Variants in NFX1 observed in about 807,000 individuals in gnomAD.
NFX1 encodes the protein nuclear transcription factor, X-box binding 1.
In NFX1, 69 loss-of-function variants were observed where a neutral mutation model predicts 137.2. The ratio of observed to expected loss-of-function variants is 0.50; its 90% CI spans 0.41 to 0.61. The LOEUF (loss-of-function observed/expected upper bound fraction) is 0.61, where lower values mean the gene tolerates loss of function less well. NFX1 is among the 20% of genes least tolerant of loss of function. The pLI, the probability that NFX1 is intolerant of heterozygous loss-of-function variation, is 0.00. For missense variants in NFX1, 1,167 were observed against 1,391.0 expected (o/e 0.84, Z 2.56); for synonymous variants, 495 against 474.1 (o/e 1.04, Z -0.57).
chr9:33,363,330 G>A (rs1824070012), intron 19 of NFX1, among the ~76,000 whole-genome samples: 1 of 150,854 alleles, frequency 6.6e-6, no homozygotes, highest in Non-Finnish European at 1.5e-5. Context: ...TGTTGCCCAG[G>A]CTGGAGTGTA....
chr9:33,301,985 T>A (rs1821585007), intron 3 of NFX1, among the ~76,000 whole-genome samples: 1 of 152,180 alleles, frequency 6.6e-6, no homozygotes, highest in South Asian at 2.1e-4. Context: ...GGCACAAGAA[T>A]TGCTTGAATC....
Position 33,370,604 on chromosome 9 carries a change from A to AG in NFX1, c.*631dup, listed in dbSNP as rs1021098421. On this transcript the variant is annotated 3_prime_UTR_variant, in exon 24 of 24. Coordinates refer to ENST00000379540, the MANE Select transcript of NFX1 (RefSeq NM_002504.6). ...CAATGTGATCAGTTCTAGACCTAGAAGGGGGTCAGGCTGCTTTACAGAATT... is the reference window on the plus strand; with the variant it reads ...CAATGTGATCAGTTCTAGACCTAGAAGGGGGGTCAGGCTGCTTTACAGAATT... The AG allele has an allele frequency of 1.3e-5, 2 of 152,272 alleles. No homozygotes were observed. The highest frequency in any genetic ancestry group is 6.5e-5 in the Admixed American group (1 of 15,282). 9.4% of individuals were successfully genotyped at this position (152,272 alleles called of 1,614,324 possible).
At chr9:33,332,255 C>T (rs1376326438) in intron 10 of NFX1, among the ~76,000 whole-genome samples, 1 of 152,110 alleles carries the variant, frequency 6.6e-6, no homozygotes, top group African/African-American at 2.4e-5. Flanking sequence ...ATTGTATTTT[C>T]ATGAAAAGTC....
At chr9:33,369,089 G>T (rs1212493333) in intron 23 of NFX1, among the ~76,000 whole-genome samples, 1 of 150,540 alleles carries the variant, frequency 6.6e-6, no homozygotes, top group Non-Finnish European at 1.5e-5. Context: ...TTTTTGAGAT[G>T]GAGTCTCGCT....
chr9:33,357,322 TA>T (rs1425377061), intron 19 of NFX1, among the ~76,000 whole-genome samples: 1 of 151,712 alleles, frequency 6.6e-6, no homozygotes, highest in Non-Finnish European at 1.5e-5. Flanking sequence ...AATAAATAAA[TA>T]AAGTATATCA....
chr9:33,303,049 G>T, intron 3 of NFX1, 142 bp from the exon 4 acceptor site: 14 of 404,026 alleles, frequency 3.5e-5, no homozygotes, highest in East Asian at 1.2e-4. Flanking sequence ...TTGTGAATTT[G>T]TTCCTTAAAT....
Position 33,327,450 on chromosome 9 carries a change from C to T in NFX1, c.1907-1131C>T, listed in dbSNP as rs548641249. 5.7e-4 allele frequency among the ~76,000 whole-genome samples: 87 copies of T among 152,286 alleles called. 1 individual carries two copies. The highest frequency in any genetic ancestry group is 8.5e-4 in the Admixed American group (13 of 15,284). Reference sequence around the variant, plus strand: ...CATGATCTTGGCTCACTGCAACCTCCGCCTCCCAGGTTCAAGCGATTCTCC... The same window carrying T: ...CATGATCTTGGCTCACTGCAACCTCTGCCTCCCAGGTTCAAGCGATTCTCC... On this transcript the variant is annotated intron_variant, in intron 9 of 23. Transcript: ENST00000379540.
chr9:33,334,533 T>A (rs763733705), intron 11 of NFX1, among the ~76,000 whole-genome samples: 8 of 152,244 alleles, frequency 5.3e-5, no homozygotes, highest in Non-Finnish European at 1.0e-4. Flanking sequence ...TAAAAAAAAA[T>A]ATGAAGTGAA....
chr9:33,312,852 C>T (rs1389318315), intron 6 of NFX1, among the ~76,000 whole-genome samples: 1 of 152,224 alleles, frequency 6.6e-6, no homozygotes, highest in Non-Finnish European at 1.5e-5. Flanking sequence ...GCCTGGGCAA[C>T]AGAGCAAGAC....
At chr9:33,335,781 T>C (rs1395808227) in intron 11 of NFX1, among the ~76,000 whole-genome samples, 2 of 152,244 alleles carry the variant, frequency 1.3e-5, no homozygotes, top group South Asian at 4.1e-4. Context: ...ATACTTCATC[T>C]AAATGGAGTC....
chr9:33,337,961 A>G (rs1823069896), intron 11 of NFX1, among the ~76,000 whole-genome samples: 1 of 151,436 alleles, frequency 6.6e-6, no homozygotes, highest in Non-Finnish European at 1.5e-5. Flanking sequence ...AGGCAGGAGA[A>G]TCGCTTGAAC....
chr9:33,336,634 C>G (rs1176721143), intron 11 of NFX1, among the ~76,000 whole-genome samples: 2 of 152,144 alleles, frequency 1.3e-5, no homozygotes, highest in Non-Finnish European at 1.5e-5. Flanking sequence ...AAGACAGGGT[C>G]TCTGTCACCT....
intron 14 of NFX1, 24 bp from the exon 15 acceptor site, chr9:33,347,014 A>G (rs373110354): frequency 7.0e-6 from 11 of 1,580,092 alleles, no homozygotes; most frequent in African/African-American, 1.3e-5. Context: ...AAGTATTCCT[A>G]AAGTTACCTT....
intron 14 of NFX1, among the ~76,000 whole-genome samples, chr9:33,345,984 A>G (rs1823406654): frequency 6.6e-6 from 1 of 152,238 alleles, no homozygotes; most frequent in South Asian, 2.1e-4. Flanking sequence ...ACCAGATTTG[A>G]TACCCACAGT....
chr9:33,347,548 G>A (rs1038971775), intron 15 of NFX1: 3 of 174,708 alleles, frequency 1.7e-5, no homozygotes, highest in African/African-American at 7.2e-5. Context: ...TGGCGTGGAT[G>A]TGGTGAAAAG....
intron 16 of NFX1, chr9:33,352,011 A>G: frequency 2.0e-6 from 1 of 495,212 alleles, no homozygotes; most frequent in East Asian, 3.3e-5. Context: ...ACCGGACCAC[A>G]GTCTGTGTCT....
intron 12 of NFX1, among the ~76,000 whole-genome samples, chr9:33,342,038 C>T (rs1241738545): frequency 1.3e-5 from 2 of 151,826 alleles, no homozygotes; most frequent in Non-Finnish European, 2.9e-5. Flanking sequence ...ATTGCTTGAA[C>T]CCAGGAGGTG....
intron 20 of NFX1, 106 bp from the exon 21 acceptor site, chr9:33,364,602 A>T (rs2118697923): frequency 7.7e-7 from 1 of 1,297,338 alleles, no homozygotes; most frequent in Non-Finnish European, 1.1e-6. Context: ...CTGCAGTTTT[A>T]CTGCCAGCAT....
intron 9 of NFX1, among the ~76,000 whole-genome samples, chr9:33,325,595 C>T (rs894664699): frequency 2.0e-4 from 31 of 152,152 alleles, no homozygotes; most frequent in African/African-American, 6.7e-4. Flanking sequence ...ACCCGGGAGG[C>T]GTAGCTTGCA....
Sources: gnomAD v4.1 joint callset for allele counts (sites outside exome capture counted in the v4.1 genomes callset) on GRCh38, gnomAD v4.1.1 for gene constraint, MANE v1.5 for transcripts, NCBI Gene and HGNC (gene_info 2026-07-23, HGNC 2026-07-21) for gene names.